Variants in ZNF536 observed in about 807,000 individuals in gnomAD.
ZNF536 encodes zinc finger protein 536.
ZNF536 carries 13 observed loss-of-function variants against 84.5 expected under a neutral mutation model. The observed-to-expected ratio is 0.15, with a 90% CI of 0.10 to 0.24. The LOEUF (loss-of-function observed/expected upper bound fraction) is 0.24, where lower values mean the gene tolerates loss of function less well. Ranked by LOEUF, ZNF536 falls within the 10% of genes least tolerant of loss-of-function variation. The pLI is 1.00. For missense variants in ZNF536, 1,536 were observed against 1,747.5 expected (o/e 0.88, Z 2.16); for synonymous variants, 811 against 742.5 (o/e 1.09, Z -1.50).
At chr19:30,468,173 C>T (rs760276523) in intron 2 of ZNF536, among the ~76,000 whole-genome samples, 10 of 152,258 alleles carry the variant, frequency 6.6e-5, no homozygotes, top group Non-Finnish European at 1.3e-4. Flanking sequence ...GTTCAGACCT[C>T]CCCTTCAAGC....
At chr19:30,686,379 C>T (rs997323111) in intron 1 of ZNF536, among the ~76,000 whole-genome samples, 2 of 152,124 alleles carry the variant, frequency 1.3e-5, no homozygotes, top group Non-Finnish European at 2.9e-5. Flanking sequence ...TTATTACAAA[C>T]CAGATGGAGC....
rs201822113 is a variant in ZNF536, at chr19:30,306,190, AT to A, written c.-120+22068del. On this transcript the variant is annotated intron_variant, in intron 2 of 5. Transcript: ENST00000585628. ...CCAGTGTGTGCATTCCCTGGAGAGA[AT>A]TTTTTTTTTTTTTTTTTTGTAAAGA... Among the ~76,000 whole-genome samples the A allele has an allele frequency of 3.8e-3, 508 of 132,874 alleles. 1 individual carries two copies. Among genetic ancestry groups the A allele is most frequent in the African/African-American group, 0.011 (372 of 34,140 alleles). The allele number at this position is 132,874 out of a possible 152,430, so 87.2% of individuals were successfully genotyped here.
At chr19:30,481,924 T>C (rs886353743) in intron 2 of ZNF536, among the ~76,000 whole-genome samples, 3 of 152,170 alleles carry the variant, frequency 2.0e-5, no homozygotes, top group Non-Finnish European at 2.9e-5. Context: ...CGATATTTGG[T>C]TTTCCATTCC....
At chr19:30,423,980 T>G (rs1174391518) in intron 1 of ZNF536, among the ~76,000 whole-genome samples, 4 of 152,146 alleles carry the variant, frequency 2.6e-5, no homozygotes, top group Non-Finnish European at 5.9e-5. Context: ...TCCCAGGGTC[T>G]GGGCAGTGCC....
intron 2 of ZNF536, among the ~76,000 whole-genome samples, chr19:30,505,605 A>C (rs1329910181): frequency 6.6e-6 from 1 of 152,028 alleles, no homozygotes; most frequent in Admixed American, 6.6e-5. Context: ...TCAGAAAAGA[A>C]TCTGTTGAGG....
At chr19:30,314,040 A>G (rs2046596284) in intron 2 of ZNF536, among the ~76,000 whole-genome samples, 1 of 152,172 alleles carries the variant, frequency 6.6e-6, no homozygotes, top group African/African-American at 2.4e-5. Flanking sequence ...CTTATTCCCA[A>G]TGTACTCAGC....
chr19:30,625,607 A>G (rs1362317103), intron 1 of ZNF536, among the ~76,000 whole-genome samples: 1 of 152,214 alleles, frequency 6.6e-6, no homozygotes, highest in Non-Finnish European at 1.5e-5. Context: ...TTAAAAATTC[A>G]CTCAAGGTCA....
At chr19:30,465,609 GGTTGGGTGT>G (rs1312312359) in intron 2 of ZNF536, among the ~76,000 whole-genome samples, 2 of 152,202 alleles carry the variant, frequency 1.3e-5, no homozygotes, top group African/African-American at 4.8e-5. Context: ...ACACGTAACA[GGTTGGGTGT>G]GGTGGCTTAG....
chr19:30,559,563 C>A (rs2046084614), downstream of ZNF536, among the ~76,000 whole-genome samples: 1 of 152,210 alleles, frequency 6.6e-6, no homozygotes, highest in Non-Finnish European at 1.5e-5. Flanking sequence ...CGTTGCCGGT[C>A]ATGTACACCC....
At chr19:30,652,559 G>A (rs10407661) in intron 1 of ZNF536, among the ~76,000 whole-genome samples, 2,998 of 152,180 alleles carry the variant, frequency 0.02, 92 homozygotes, top group African/African-American at 0.069. Context: ...CATTTCCACC[G>A]TCATCCTGAG....
intron 2 of ZNF536, among the ~76,000 whole-genome samples, chr19:30,504,537 C>A (rs1203619915): frequency 3.1e-5 from 4 of 130,668 alleles, no homozygotes; most frequent in Non-Finnish European, 4.9e-5. Flanking sequence ...CCCCTCTGAC[C>A]CACTCATCCT....
At chr19:30,691,036 G>A (rs2051387427) in intron 1 of ZNF536, among the ~76,000 whole-genome samples, 1 of 152,198 alleles carries the variant, frequency 6.6e-6, no homozygotes, top group African/African-American at 2.4e-5. Context: ...CTTACGGTCT[G>A]AGCTAGGAAA....
intron 1 of ZNF536, among the ~76,000 whole-genome samples, chr19:30,409,966 AT>A (rs879926799): frequency 1.2e-3 from 180 of 148,312 alleles, no homozygotes; most frequent in Non-Finnish European, 2.0e-3. Context: ...GGGTATTTGA[AT>A]TTTTTTTTTT....
rs2052227021 is a variant in ZNF536, at chr19:30,444,618, G to A, written c.1056G>A (p.Gln352=). The change falls in exon 2 of 5, where the codon CAG becomes CAA. Residue 352 remains glutamine, a synonymous_variant. Coordinates refer to ENST00000355537, the MANE Select transcript of ZNF536 (RefSeq NM_014717.3). The part of the protein sequence containing the change: ...ANEFRCEVCG[Q]VFSQAWFLKG... ...AGTTCCGCTGCGAGGTGTGCGGTCA[G>A]GTGTTCAGCCAGGCGTGGTTCCTCA... is the stretch of plus-strand genomic sequence containing the variant. The A allele has an allele frequency of 6.2e-7, 1 of 1,613,918 alleles. No homozygotes were observed. The highest frequency in any genetic ancestry group is 8.5e-7 in the Non-Finnish European group (1 of 1,180,046).
At chr19:30,262,166 A>T (rs2025259706) in intron 1 of ZNF536, among the ~76,000 whole-genome samples, 1 of 152,250 alleles carries the variant, frequency 6.6e-6, no homozygotes, top group Non-Finnish European at 1.5e-5. Flanking sequence ...ACAAATAAGA[A>T]CACAGAGTCT....
In ZNF536 at chr19:30,690,409, G is replaced by A. The variant is rs191826644; in HGVS notation, c.170-20348G>A. Among the ~76,000 whole-genome samples the A allele has an allele frequency of 1.9e-3, 297 of 152,316 alleles. 1 individual carries two copies. The highest frequency in any genetic ancestry group is 6.8e-3 in the Middle Eastern group (2 of 294). ...GATAATTATGCTGGCGATGAGTTTG[G>A]TAAGGAAGCCTCATTTAGTTCACAT... On this transcript the variant is annotated intron_variant, in intron 1 of 1. Transcript: ENST00000592773.
intron 1 of ZNF536, among the ~76,000 whole-genome samples, chr19:30,404,320 G>A (rs1456888761): frequency 3.3e-5 from 5 of 151,062 alleles, no homozygotes; most frequent in Non-Finnish European, 7.4e-5. Flanking sequence ...AGGCCAGAGG[G>A]GGACACTGTT....
intron 1 of ZNF536, among the ~76,000 whole-genome samples, chr19:30,265,398 A>G (rs118015844): frequency 0.013 from 2,015 of 152,038 alleles, 24 homozygotes; most frequent in Middle Eastern, 0.034. Context: ...GTCAGGAGGG[A>G]CCTTTCCTTC....
At chr19:30,708,878 G>T (rs2052351322) in intron 1 of ZNF536, among the ~76,000 whole-genome samples, 3 of 152,202 alleles carry the variant, frequency 2.0e-5, no homozygotes, top group Non-Finnish European at 2.9e-5. Flanking sequence ...TAGAAAAAGT[G>T]CTGAATATGT....
Sources: allele counts gnomAD v4.1 joint callset (sites outside exome capture counted in the v4.1 genomes callset), GRCh38; gene constraint gnomAD v4.1.1; transcripts MANE v1.5; gene names NCBI Gene and HGNC (gene_info 2026-07-23, HGNC 2026-07-21).